Variants in SPOCK1 observed in about 807,000 individuals in gnomAD.
SPOCK1 encodes the protein SPARC (osteonectin), cwcv and kazal like domains proteoglycan 1, also known as testican-1.
A neutral mutation model predicts 55.3 loss-of-function variants in SPOCK1; 23 were observed. The ratio of observed to expected loss-of-function variants is 0.42; its 90% CI spans 0.30 to 0.59. The LOEUF is 0.59. Ranked by LOEUF, SPOCK1 falls within the 20% of genes least tolerant of loss-of-function variation. The pLI, the probability that SPOCK1 is intolerant of heterozygous loss-of-function variation, is 0.22. For missense variants in SPOCK1, 499 were observed against 552.5 expected (o/e 0.90, Z 0.97); for synonymous variants, 226 against 221.0 (o/e 1.02, Z -0.20).
intron 3 of SPOCK1, among the ~76,000 whole-genome samples, chr5:137,246,960 T>A (rs539459409): frequency 6.6e-6 from 1 of 152,216 alleles, no homozygotes; most frequent in Admixed American, 6.5e-5. Context: ...TCTCCGCGGG[T>A]GGAGCCCAGG....
At chr5:137,223,768 G>A (rs2127089202) in intron 3 of SPOCK1, among the ~76,000 whole-genome samples, 1 of 152,198 alleles carries the variant, frequency 6.6e-6, no homozygotes, top group South Asian at 2.1e-4. Flanking sequence ...ACCGTTAGCT[G>A]ACATGCCCTG....
chr5:137,449,123 G>C (rs1315369539), intron 2 of SPOCK1, among the ~76,000 whole-genome samples: 3 of 152,156 alleles, frequency 2.0e-5, no homozygotes, highest in Non-Finnish European at 4.4e-5. Context: ...ACAGTTGCAG[G>C]ACCAGGTGCC....
At chr5:137,319,752 T>C (rs1757946577) in intron 2 of SPOCK1, among the ~76,000 whole-genome samples, 1 of 151,600 alleles carries the variant, frequency 6.6e-6, no homozygotes, top group South Asian at 2.1e-4. Context: ...GAGACCATCC[T>C]GGCTAACAAG....
At chr5:137,480,619 C>T (rs948663350) in intron 2 of SPOCK1, among the ~76,000 whole-genome samples, 59 of 152,140 alleles carry the variant, frequency 3.9e-4, no homozygotes, top group African/African-American at 1.2e-3. Flanking sequence ...GGCCAAATGG[C>T]CCATGAGTGT....
intron 3 of SPOCK1, among the ~76,000 whole-genome samples, chr5:137,164,360 T>C (rs911962100): frequency 3.3e-5 from 5 of 152,166 alleles, no homozygotes; most frequent in Admixed American, 2.6e-4. Flanking sequence ...AAACCCAGTG[T>C]CTTGAGGGGA....
At chr5:137,376,666 T>C (rs1751325030) in intron 2 of SPOCK1, among the ~76,000 whole-genome samples, 2 of 152,190 alleles carry the variant, frequency 1.3e-5, no homozygotes, top group Admixed American at 1.3e-4. Flanking sequence ...ATAAGCCTTA[T>C]GGGAAAAGTA....
intron 5 of SPOCK1, among the ~76,000 whole-genome samples, chr5:137,088,785 G>A (rs1388937118): frequency 2.0e-5 from 3 of 152,168 alleles, no homozygotes; most frequent in Non-Finnish European, 1.5e-5. Context: ...GGGAACTTAA[G>A]TACCATGGGG....
At chr5:137,452,434 T>C (rs1753274121) in intron 2 of SPOCK1, among the ~76,000 whole-genome samples, 2 of 152,220 alleles carry the variant, frequency 1.3e-5, no homozygotes, top group Admixed American at 6.5e-5. Flanking sequence ...TATTTAGTTA[T>C]CTTTTTCCCC....
intron 2 of SPOCK1, among the ~76,000 whole-genome samples, chr5:137,476,103 A>C (rs1341243816): frequency 1.3e-5 from 2 of 151,614 alleles, no homozygotes; most frequent in African/African-American, 4.8e-5. Flanking sequence ...AACTCATGTC[A>C]TGGGGGTTTT....
chr5:137,133,028 G>A (rs951122652), intron 4 of SPOCK1, among the ~76,000 whole-genome samples: 1 of 152,190 alleles, frequency 6.6e-6, no homozygotes, highest in Non-Finnish European at 1.5e-5. Context: ...GGCAGAACAA[G>A]ATGAGTGTGA....
At chr5:137,311,925 G>A (rs967658178) in intron 2 of SPOCK1, among the ~76,000 whole-genome samples, 1 of 152,072 alleles carries the variant, frequency 6.6e-6, no homozygotes, top group Non-Finnish European at 1.5e-5. Flanking sequence ...GCCTAGCATC[G>A]CAGTGTATGC....
At chr5:137,461,267 T>G (rs1236170671) in intron 2 of SPOCK1, among the ~76,000 whole-genome samples, 1 of 152,194 alleles carries the variant, frequency 6.6e-6, no homozygotes, top group Non-Finnish European at 1.5e-5. Context: ...AAAATCTGTT[T>G]AAGGGTATGT....
At chr5:137,003,344 A>G (rs1751183906) in intron 6 of SPOCK1, among the ~76,000 whole-genome samples, 1 of 152,216 alleles carries the variant, frequency 6.6e-6, no homozygotes, top group Non-Finnish European at 1.5e-5. Context: ...GGTTGCAGTG[A>G]GCCAAGGAGG....
chr5:136,984,341 G>T (rs111319479), intron 9 of SPOCK1, among the ~76,000 whole-genome samples: 203 of 152,112 alleles, frequency 1.3e-3, no homozygotes, highest in African/African-American at 4.7e-3. Flanking sequence ...TTCTGAAATG[G>T]CAGGCTGCTT....
At chr5:137,281,848 AC>A (rs1285304964) in intron 2 of SPOCK1, among the ~76,000 whole-genome samples, 3 of 152,156 alleles carry the variant, frequency 2.0e-5, no homozygotes, top group Non-Finnish European at 4.4e-5. Context: ...CGTTTCTCAC[AC>A]CTCTCTTCAC....
chr5:137,140,120 G>A (rs1318914642), intron 4 of SPOCK1, among the ~76,000 whole-genome samples: 1 of 152,164 alleles, frequency 6.6e-6, no homozygotes, highest in African/African-American at 2.4e-5. Flanking sequence ...ACCAAGGATG[G>A]CAAAGATGCT....
chr5:137,296,545 A>G (rs1206678495), intron 2 of SPOCK1, among the ~76,000 whole-genome samples: 3 of 152,142 alleles, frequency 2.0e-5, no homozygotes, highest in Non-Finnish European at 2.9e-5. Flanking sequence ...TCTGTCTGTG[A>G]ACATTACTGT....
intron 2 of SPOCK1, among the ~76,000 whole-genome samples, chr5:137,369,506 C>A (rs1030254438): frequency 6.6e-6 from 1 of 152,188 alleles, no homozygotes; most frequent in Non-Finnish European, 1.5e-5. Context: ...GCCAGGGAGA[C>A]AAGCTGTTAT....
chr5:137,027,957 C>T (rs543310098), intron 6 of SPOCK1, among the ~76,000 whole-genome samples: 219 of 152,276 alleles, frequency 1.4e-3, no homozygotes, highest in Admixed American at 2.4e-3. Flanking sequence ...GCTCTGTGGT[C>T]AGAATAAACT....
Sources: allele counts gnomAD v4.1 joint callset (sites outside exome capture counted in the v4.1 genomes callset), GRCh38; gene constraint gnomAD v4.1.1; transcripts MANE v1.5; gene names NCBI Gene and HGNC (gene_info 2026-07-23, HGNC 2026-07-21).